The following ORC5 variants were observed in gnomAD, a reference collection of about 807,000 sequenced individuals.
ORC5 encodes the protein protein phosphatase 1, regulatory subunit 117.
A neutral mutation model predicts 58.8 loss-of-function variants in ORC5; 39 were observed. The ratio of observed to expected loss-of-function variants is 0.66; its 90% CI spans 0.51 to 0.87. The LOEUF is 0.87. ORC5 is among the 40% of genes least tolerant of loss of function. ORC5 has a pLI of 0.00. For missense variants in ORC5, 493 were observed against 506.3 expected (o/e 0.97, Z 0.25); for synonymous variants, 218 against 177.6 (o/e 1.23, Z -1.81).
At chr7:104,154,849 G>A (rs970829710) in intron 12 of ORC5, among the ~76,000 whole-genome samples, 3 of 151,676 alleles carry the variant, frequency 2.0e-5, no homozygotes, top group Non-Finnish European at 4.4e-5. Flanking sequence ...TGTATTTGAA[G>A]AAATATGCCA....
At chr7:104,144,777 C>A (rs1584482901) in intron 12 of ORC5, among the ~76,000 whole-genome samples, 1 of 152,120 alleles carries the variant, frequency 6.6e-6, no homozygotes. Context: ...AAATAATGAA[C>A]AGGATCATAA....
chr7:104,126,897 A>G lies in ORC5; in HGVS notation c.1263-4T>C. 1 of 1,593,662 alleles carries G rather than the reference A, an allele frequency of 6.3e-7. No individual in the cohort carries two copies. The highest frequency in any genetic ancestry group is 8.6e-7 in the Non-Finnish European group (1 of 1,162,466). ...TATTATGTCAAAGTTCACCGTCCTA[A>G]AAACAAAAACAGATAATATGTTAGC... On this transcript the variant is annotated splice_polypyrimidine_tract_variant and splice_region_variant and intron_variant, in intron 13 of 13. Coordinates refer to ENST00000297431, the MANE Select transcript of ORC5 (RefSeq NM_002553.4).
chr7:104,152,533 T>A (rs747992613), intron 12 of ORC5, among the ~76,000 whole-genome samples: 6 of 152,194 alleles, frequency 3.9e-5, no homozygotes, highest in Non-Finnish European at 8.8e-5. Flanking sequence ...AAAACTCTTC[T>A]CATTTAAACA....
chr7:104,159,006 T>G (rs1798977697), intron 12 of ORC5, among the ~76,000 whole-genome samples: 1 of 110,028 alleles, frequency 9.1e-6, no homozygotes, highest in South Asian at 3.4e-4. Context: ...TAAATCACGC[T>G]GTTATAAAGA....
intron 12 of ORC5, among the ~76,000 whole-genome samples, chr7:104,153,132 A>G (rs1481822943): frequency 6.6e-6 from 1 of 152,156 alleles, no homozygotes; most frequent in Non-Finnish European, 1.5e-5. Flanking sequence ...ATCCTTGGTA[A>G]TAATTAATAC....
chr7:104,187,717 G>C, intron 6 of ORC5: 3 of 932,124 alleles, frequency 3.2e-6, no homozygotes, highest in Non-Finnish European at 3.8e-6. Flanking sequence ...TATTCTAATT[G>C]TTAAAAAAAA....
chr7:104,206,226 C>A (rs1268878601), intron 1 of ORC5, among the ~76,000 whole-genome samples: 1 of 152,108 alleles, frequency 6.6e-6, no homozygotes, highest in African/African-American at 2.4e-5. Context: ...AAAAGGTGCT[C>A]GGTAAATATT....
intron 2 of ORC5, among the ~76,000 whole-genome samples, chr7:104,202,761 C>T (rs1189338835): frequency 6.6e-6 from 1 of 152,134 alleles, no homozygotes; most frequent in Non-Finnish European, 1.5e-5. Flanking sequence ...TTCTGAAGTC[C>T]AGTATATAGC....
intron 8 of ORC5, among the ~76,000 whole-genome samples, chr7:104,168,846 C>T (rs1305795273): frequency 6.6e-6 from 1 of 152,118 alleles, no homozygotes; most frequent in African/African-American, 2.4e-5. Context: ...CTTTGGGAGG[C>T]CAAGATAGGA....
intron 8 of ORC5, among the ~76,000 whole-genome samples, chr7:104,178,598 C>G (rs947447132): frequency 2.0e-5 from 3 of 152,066 alleles, no homozygotes; most frequent in Non-Finnish European, 4.4e-5. Context: ...GCTTTTGTTG[C>G]AATTGCTTTT....
At chr7:104,186,465 A>G (rs926873238) in intron 6 of ORC5, among the ~76,000 whole-genome samples, 2 of 152,166 alleles carry the variant, frequency 1.3e-5, no homozygotes, top group African/African-American at 4.8e-5. Context: ...TAATTTATGA[A>G]TAACAGTTAA....
At chr7:104,204,344 C>T (rs1212884414) in intron 1 of ORC5, 110 bp from the exon 2 acceptor site, 2 of 681,320 alleles carry the variant, frequency 2.9e-6, no homozygotes, top group South Asian at 1.9e-5. Context: ...AATCCAAATT[C>T]CTAACAATGA....
At chr7:104,128,765 T>G (rs531902923) in intron 13 of ORC5, among the ~76,000 whole-genome samples, 5 of 145,974 alleles carry the variant, frequency 3.4e-5, no homozygotes, top group African/African-American at 1.3e-4. Flanking sequence ...TATAGACTAC[T>G]TTTAACCACG....
At chr7:104,151,089 T>A (rs1366994118) in intron 12 of ORC5, among the ~76,000 whole-genome samples, 1 of 152,102 alleles carries the variant, frequency 6.6e-6, no homozygotes, top group East Asian at 1.9e-4. Flanking sequence ...AAACAGCTTA[T>A]TGTGAATGGT....
intron 11 of ORC5, among the ~76,000 whole-genome samples, chr7:104,162,373 G>C (rs1388441790): frequency 6.6e-6 from 1 of 152,066 alleles, no homozygotes; most frequent in Non-Finnish European, 1.5e-5. Context: ...TGTAGGACAG[G>C]CTAGTCTCGA....
In ORC5 at chr7:104,133,974, C is replaced by T. The variant is rs73189317; in HGVS notation, c.1262+2807G>A. On this transcript the variant is annotated intron_variant, in intron 13 of 13. Coordinates refer to ENST00000297431, the MANE Select transcript of ORC5 (RefSeq NM_002553.4). This position sits in a 1 kb window ranked among gnomAD's most constrained non-coding sequence, Gnocchi z 4.7. ...AAGAATCTACCTTAGGAAGAGGAAC[C>T]CCATCCTGCTGAAAAAGGAAAGAAA... Among the ~76,000 whole-genome samples the T allele has an allele frequency of 6.6e-6, 1 of 151,918 alleles. No homozygotes were observed. The highest frequency in any genetic ancestry group is 2.4e-5 in the African/African-American group (1 of 41,336).
intron 5 of ORC5, among the ~76,000 whole-genome samples, chr7:104,193,541 G>A (rs554179330): frequency 3.9e-5 from 6 of 152,028 alleles, no homozygotes; most frequent in South Asian, 4.2e-4. Context: ...AGAGGAGAGC[G>A]GTCCTTAAAA....
chr7:104,193,979 G>C (rs1007386362), intron 5 of ORC5, among the ~76,000 whole-genome samples: 5 of 151,108 alleles, frequency 3.3e-5, no homozygotes, highest in Non-Finnish European at 5.9e-5. Context: ...AATTCAACTT[G>C]ACTGAAATGT....
At chr7:104,171,031 C>T (rs1799202145) in intron 8 of ORC5, among the ~76,000 whole-genome samples, 1 of 152,062 alleles carries the variant, frequency 6.6e-6, no homozygotes, top group Admixed American at 6.6e-5. Context: ...TCTGAGATAA[C>T]TACTATTGCC....
Sources: gnomAD v4.1 joint callset for allele counts (sites outside exome capture counted in the v4.1 genomes callset) on GRCh38, gnomAD v4.1.1 for gene constraint, Gnocchi (gnomAD v3.1) non-coding constraint, MANE v1.5 for transcripts, NCBI Gene and HGNC (gene_info 2026-07-23, HGNC 2026-07-21) for gene names.